WDPCP: variants seen among roughly 807,000 people sequenced by gnomAD.
WDPCP encodes WD repeat-containing and planar cell polarity effector protein fritz homolog.
Under a neutral mutation model 93.1 loss-of-function variants are expected in WDPCP, and 71 were observed. The ratio of observed to expected loss-of-function variants is 0.76; its 90% CI spans 0.63 to 0.93. The LOEUF (loss-of-function observed/expected upper bound fraction) is 0.93. WDPCP is among the 40% of genes least tolerant of loss of function. The pLI is 0.00. For synonymous variants in WDPCP, 315 were observed against 315.0 expected, an observed-to-expected ratio of 1.00 and a Z score of 0.00; for missense variants, 844 against 887.4, an observed-to-expected ratio of 0.95 and a Z score of 0.62.
intron 3 of WDPCP, among the ~76,000 whole-genome samples, chr2:63,596,757 T>A (rs898732999): frequency 1.3e-5 from 2 of 152,238 alleles, no homozygotes; most frequent in African/African-American, 4.8e-5. Flanking sequence ...CGATGACTTA[T>A]GTTCTTTAGT....
intron 17 of WDPCP, among the ~76,000 whole-genome samples, chr2:63,127,892 C>T (rs1670030608): frequency 6.6e-6 from 1 of 151,936 alleles, no homozygotes; most frequent in Non-Finnish European, 1.5e-5. Context: ...GTAATCCCAG[C>T]ACTTGGGAGG....
chr2:63,424,616 C>G (rs537578859), intron 9 of WDPCP, among the ~76,000 whole-genome samples: 1 of 152,208 alleles, frequency 6.6e-6, no homozygotes, highest in Non-Finnish European at 1.5e-5. Flanking sequence ...GTCCCAATCC[C>G]CCAGGGTTAC....
chr2:63,772,435 A>G (rs572043875), intron 2 of WDPCP, among the ~76,000 whole-genome samples: 1 of 152,178 alleles, frequency 6.6e-6, no homozygotes, highest in South Asian at 2.1e-4. Context: ...CTAATAGACA[A>G]CTTGTTTAAT....
intron 2 of WDPCP, chr2:63,751,773 T>C (rs1044545437): frequency 1.6e-6 from 1 of 615,914 alleles, no homozygotes; most frequent in Non-Finnish European, 3.1e-6. Flanking sequence ...GGCAAAGTAT[T>C]GGCCTCCAAC....
intron 1 of WDPCP, among the ~76,000 whole-genome samples, chr2:63,558,714 C>A (rs1205968848): frequency 6.6e-6 from 1 of 152,102 alleles, no homozygotes; most frequent in Non-Finnish European, 1.5e-5. Context: ...CACATACACC[C>A]TCCCAAGACT....
intron 1 of WDPCP, among the ~76,000 whole-genome samples, chr2:63,550,265 C>T (rs1002192243): frequency 1.3e-5 from 2 of 150,726 alleles, no homozygotes; most frequent in African/African-American, 4.9e-5. Context: ...CAATGACCAC[C>T]ATTCTCCTTG....
intron 10 of WDPCP, among the ~76,000 whole-genome samples, chr2:63,385,087 T>C (rs1228580399): frequency 6.6e-6 from 1 of 152,090 alleles, no homozygotes; most frequent in South Asian, 2.1e-4. Flanking sequence ...ATCATTTCAA[T>C]TGCTGCAGAA....
At chr2:63,805,962 T>C (rs1273976463) in intron 2 of WDPCP, among the ~76,000 whole-genome samples, 2 of 151,622 alleles carry the variant, frequency 1.3e-5, no homozygotes, top group African/African-American at 2.4e-5. Context: ...TCTACAAAAA[T>C]TACAAAAATT....
intron 6 of WDPCP, among the ~76,000 whole-genome samples, chr2:63,464,103 T>C (rs1266303099): frequency 6.6e-6 from 1 of 152,088 alleles, no homozygotes; most frequent in African/African-American, 2.4e-5. Flanking sequence ...GGAGAAAATA[T>C]TTGCAAAACA....
chr2:63,200,637 CAGAG>C (rs1157718722), intron 14 of WDPCP, among the ~76,000 whole-genome samples: 2 of 152,054 alleles, frequency 1.3e-5, no homozygotes, highest in African/African-American at 4.8e-5. Flanking sequence ...TGATGGAACT[CAGAG>C]AGAATAGAAC....
the WDPCP span, among the ~76,000 whole-genome samples, chr2:63,835,389 CAA>C: frequency 5.9e-4 from 25 of 42,358 alleles, no homozygotes; most frequent in African/African-American, 1.8e-3. Flanking sequence ...GACTCCATCT[CAA>C]AAAAAAAAAA....
chr2:63,525,834 A>G (rs1240314354), intron 1 of WDPCP, among the ~76,000 whole-genome samples: 1 of 152,186 alleles, frequency 6.6e-6, no homozygotes, highest in East Asian at 1.9e-4. Context: ...ACACTGGAGT[A>G]CTTTAATGTA....
At chr2:63,702,182 C>T (rs1248997323) in intron 2 of WDPCP, among the ~76,000 whole-genome samples, 4 of 151,802 alleles carry the variant, frequency 2.6e-5, no homozygotes, top group African/African-American at 9.7e-5. Context: ...CATGCCACCA[C>T]ACCCGGCTAA....
chr2:63,373,432 G>A (rs745347242), intron 12 of WDPCP, among the ~76,000 whole-genome samples: 5 of 151,246 alleles, frequency 3.3e-5, no homozygotes, highest in South Asian at 4.2e-4. Flanking sequence ...TTTAAAAAAC[G>A]TTTTGTAGAG....
In WDPCP at chr2:63,751,618, C is replaced by G. The variant is rs554012821; in HGVS notation, n.308+62004G>C. The G allele has an allele frequency of 1.5e-4, 72 of 470,646 alleles. No homozygotes were observed. In the East Asian group the frequency reaches 4.2e-3, roughly 28 times the overall value. 29.2% of individuals were successfully genotyped at this position (470,646 alleles called of 1,614,324 possible). A position where few individuals can be genotyped will look rare whatever the true frequency, so the allele number is the denominator to read the frequency against. On this transcript the variant is annotated intron_variant and non_coding_transcript_variant, in intron 2 of 4. Transcript: ENST00000467687. Reference sequence around the variant, plus strand: ...ACTGTGCTTGGTTGAGTTCACAAATCTGTTGTAATCTGTAGCTTCCATGTC... The same window carrying G: ...ACTGTGCTTGGTTGAGTTCACAAATGTGTTGTAATCTGTAGCTTCCATGTC...
intron 14 of WDPCP, among the ~76,000 whole-genome samples, chr2:63,251,116 AATATC>A (rs1257132493): frequency 6.6e-6 from 1 of 152,204 alleles, no homozygotes; most frequent in African/African-American, 2.4e-5. Flanking sequence ...TGAAGTAACT[AATATC>A]AGAGCAGAAC....
At chr2:63,585,685 G>A (rs941531467) in intron 1 of WDPCP, among the ~76,000 whole-genome samples, 3 of 151,532 alleles carry the variant, frequency 2.0e-5, no homozygotes, top group African/African-American at 7.3e-5. Flanking sequence ...TCAACAAAAA[G>A]GAACCAGATT....
chr2:63,802,704 C>T (rs975152683), intron 2 of WDPCP, among the ~76,000 whole-genome samples: 2 of 151,684 alleles, frequency 1.3e-5, no homozygotes, highest in Non-Finnish European at 2.9e-5. Context: ...AGGAAATTGT[C>T]TATATTATTG....
intron 15 of WDPCP, among the ~76,000 whole-genome samples, chr2:63,159,744 T>C (rs1574760422): frequency 1.3e-5 from 2 of 152,090 alleles, no homozygotes; most frequent in Non-Finnish European, 2.9e-5. Flanking sequence ...GTGCTGTCAG[T>C]GTGTGTACCA....
Sources: allele counts gnomAD v4.1 joint callset (sites outside exome capture counted in the v4.1 genomes callset), GRCh38; gene constraint gnomAD v4.1.1; transcripts MANE v1.5; gene names NCBI Gene and HGNC (gene_info 2026-07-23, HGNC 2026-07-21).